Variants in RBFOX1 observed in about 807,000 individuals in gnomAD.
The protein encoded by RBFOX1 is RNA binding fox-1 homolog 1.
Under a neutral mutation model 57.7 loss-of-function variants are expected in RBFOX1, and 8 were observed. The observed-to-expected ratio is 0.14, with a 90% CI of 0.08 to 0.25. The LOEUF (loss-of-function observed/expected upper bound fraction) is 0.25. Among genes scored for constraint, RBFOX1 ranks in the 10% least tolerant of loss-of-function variants. The pLI is 1.00. For missense variants in RBFOX1, 611 were observed against 548.5 expected (o/e 1.11, Z -1.14); for synonymous variants, 326 against 222.4 (o/e 1.47, Z -4.15).
chr16:6,562,873 TTTCTTTC>T (rs1567693939), intron 2 of RBFOX1, among the ~76,000 whole-genome samples: 18 of 65,050 alleles, frequency 2.8e-4, no homozygotes, highest in East Asian at 3.8e-4. Flanking sequence ...TCTTTCTTTC[TTTCTTTC>T]TTTTTTTTTT....
chr16:6,542,950 C>T (rs1257722592), intron 2 of RBFOX1, among the ~76,000 whole-genome samples: 2 of 152,074 alleles, frequency 1.3e-5, no homozygotes, highest in African/African-American at 4.8e-5. Flanking sequence ...CGTCTGTCTT[C>T]ACAGTGCGGC....
At chr16:7,328,070 C>G (rs376190335) in intron 4 of RBFOX1, among the ~76,000 whole-genome samples, 5 of 152,148 alleles carry the variant, frequency 3.3e-5, no homozygotes, top group African/African-American at 1.2e-4. Context: ...TATGTTGGCT[C>G]TCTTTGTTAG....
chr16:7,381,667 A>G (rs2097783955), intron 4 of RBFOX1, among the ~76,000 whole-genome samples: 1 of 152,146 alleles, frequency 6.6e-6, no homozygotes, highest in Non-Finnish European at 1.5e-5. Context: ...ATTTGGTAGG[A>G]AAAATGCAAA....
At chr16:6,384,959 T>G (rs1361161396) in intron 2 of RBFOX1, among the ~76,000 whole-genome samples, 1 of 152,212 alleles carries the variant, frequency 6.6e-6, no homozygotes, top group Non-Finnish European at 1.5e-5. Context: ...CATTTCTGTG[T>G]AAATGGTAGC....
intron 3 of RBFOX1, among the ~76,000 whole-genome samples, chr16:6,967,722 C>T (rs990202090): frequency 6.6e-6 from 1 of 152,010 alleles, no homozygotes; most frequent in Non-Finnish European, 1.5e-5. Flanking sequence ...TCAAATGGGT[C>T]TTCTTTAATT....
intron 3 of RBFOX1, among the ~76,000 whole-genome samples, chr16:6,944,043 G>C (rs1434953639): frequency 6.6e-6 from 1 of 152,030 alleles, no homozygotes; most frequent in African/African-American, 2.4e-5. Context: ...ATTTTAACAG[G>C]GACAACCAAC....
At chr16:6,326,856 C>A (rs2082428467) in intron 2 of RBFOX1, among the ~76,000 whole-genome samples, 1 of 152,154 alleles carries the variant, frequency 6.6e-6, no homozygotes, top group African/African-American at 2.4e-5. Flanking sequence ...CATAATCACA[C>A]ACTACAGCCG....
At chr16:6,236,825 A>G (rs1453457850) in intron 1 of RBFOX1, among the ~76,000 whole-genome samples, 1 of 152,170 alleles carries the variant, frequency 6.6e-6, no homozygotes, top group Admixed American at 6.6e-5. Context: ...CCGTAAGAGC[A>G]ACTTTACCCA....
chr16:6,347,975 C>G (rs567549581), intron 2 of RBFOX1, among the ~76,000 whole-genome samples: 1 of 152,188 alleles, frequency 6.6e-6, no homozygotes, highest in Non-Finnish European at 1.5e-5. Context: ...TACAAGAAAG[C>G]AGGAAAACAG....
chr16:6,748,105 A>C (rs2074149882), intron 3 of RBFOX1, among the ~76,000 whole-genome samples: 1 of 152,026 alleles, frequency 6.6e-6, no homozygotes, highest in South Asian at 2.1e-4. Context: ...ATATGTAATT[A>C]TTATCTGGTA....
intron 9 of RBFOX1, among the ~76,000 whole-genome samples, chr16:7,602,975 C>T (rs892211294): frequency 5.3e-5 from 8 of 152,148 alleles, no homozygotes; most frequent in African/African-American, 1.9e-4. Context: ...CAACAGTGTG[C>T]TCCTGAATGT....
intron 3 of RBFOX1, among the ~76,000 whole-genome samples, chr16:6,726,272 T>A (rs2067147009): frequency 6.6e-6 from 1 of 152,224 alleles, no homozygotes; most frequent in African/African-American, 2.4e-5. Context: ...ATTGTGACTC[T>A]GGTTTTATGT....
chr16:6,855,535 C>A (rs959457057), intron 3 of RBFOX1, among the ~76,000 whole-genome samples: 3 of 151,740 alleles, frequency 2.0e-5, no homozygotes, highest in Non-Finnish European at 4.4e-5. Context: ...TGCCTGTAGT[C>A]CCAGCTACTG....
At chr16:5,289,200 T>C in intron 1 of RBFOX1, 1 of 314,072 alleles carries the variant, frequency 3.2e-6, no homozygotes, top group South Asian at 5.0e-5. Context: ...TCTATCCTTA[T>C]CTGTCTGGTC....
At chr16:7,639,775 T>A (rs2062449230) in intron 11 of RBFOX1, among the ~76,000 whole-genome samples, 1 of 152,160 alleles carries the variant, frequency 6.6e-6, no homozygotes, top group Non-Finnish European at 1.5e-5. Context: ...CAGGTGCCCT[T>A]TGCTACTGAG....
intron 2 of RBFOX1, among the ~76,000 whole-genome samples, chr16:5,470,573 A>G (rs1377174239): frequency 6.6e-6 from 1 of 152,152 alleles, no homozygotes; most frequent in African/African-American, 2.4e-5. Context: ...ATAACAATTC[A>G]GTGGGCGTCA....
At chr16:7,401,816 C>G (rs1363675358) in intron 4 of RBFOX1, among the ~76,000 whole-genome samples, 1 of 152,078 alleles carries the variant, frequency 6.6e-6, no homozygotes, top group East Asian at 1.9e-4. Flanking sequence ...ATGATATAAC[C>G]TAGCACAGGA....
intron 3 of RBFOX1, among the ~76,000 whole-genome samples, chr16:5,817,695 C>T (rs1221989024): frequency 7.5e-6 from 1 of 132,890 alleles, no homozygotes; most frequent in Non-Finnish European, 1.6e-5. Flanking sequence ...GTCTTGTGGG[C>T]TGTATTTTTT....
At chr16:7,001,153 T>A (rs1358278922) in intron 3 of RBFOX1, among the ~76,000 whole-genome samples, 5 of 152,140 alleles carry the variant, frequency 3.3e-5, no homozygotes, top group Non-Finnish European at 5.9e-5. Flanking sequence ...CAAATCCGTT[T>A]GAGTTAGTTT....
Sources: gnomAD v4.1 joint callset for allele counts (sites outside exome capture counted in the v4.1 genomes callset) on GRCh38, gnomAD v4.1.1 for gene constraint, MANE v1.5 for transcripts, NCBI Gene and HGNC (gene_info 2026-07-23, HGNC 2026-07-21) for gene names.